ALK: variants seen among roughly 807,000 people sequenced by gnomAD.
The protein encoded by ALK is ALK receptor tyrosine kinase.
ALK carries 74 observed loss-of-function variants against 163.1 expected under a neutral mutation model. The observed-to-expected ratio is 0.45, with a 90% CI of 0.38 to 0.55. The LOEUF (loss-of-function observed/expected upper bound fraction) is 0.55, where lower values mean the gene tolerates loss of function less well. Ranked by LOEUF, ALK falls within the 20% of genes least tolerant of loss-of-function variation. ALK has a pLI of 0.00. For missense variants in ALK, 2,063 were observed against 2,105.3 expected (o/e 0.98, Z 0.39); for synonymous variants, 960 against 843.2 (o/e 1.14, Z -2.40).
At chr2:29,612,634 C>T (rs1675728961) in intron 3 of ALK, among the ~76,000 whole-genome samples, 1 of 152,188 alleles carries the variant, frequency 6.6e-6, no homozygotes, top group African/African-American at 2.4e-5. Context: ...TCTCTTTTCA[C>T]CTGGCCCCTA....
chr2:29,543,194 A>G (rs2148167871), intron 3 of ALK, among the ~76,000 whole-genome samples: 1 of 152,314 alleles, frequency 6.6e-6, no homozygotes, highest in African/African-American at 2.4e-5. Flanking sequence ...GAGAGGTGGC[A>G]GCAGATTATG....
At chr2:29,666,860 C>T (rs948120661) in intron 3 of ALK, among the ~76,000 whole-genome samples, 1 of 151,948 alleles carries the variant, frequency 6.6e-6, no homozygotes, top group African/African-American at 2.4e-5. Context: ...CCTTTCCCAG[C>T]CTCTGGTAAC....
intron 4 of ALK, among the ~76,000 whole-genome samples, chr2:29,407,188 A>G (rs1387383437): frequency 2.0e-5 from 3 of 152,218 alleles, no homozygotes; most frequent in Admixed American, 6.5e-5. Context: ...GCAGCTCTTT[A>G]TCTTCTTAGA....
At chr2:29,279,949 C>T in intron 9 of ALK, among the ~76,000 whole-genome samples, 1 of 152,104 alleles carries the variant, frequency 6.6e-6, no homozygotes, top group Admixed American at 6.5e-5. Context: ...TCAGGTAGAC[C>T]ACTCTGGGAC....
intron 3 of ALK, among the ~76,000 whole-genome samples, chr2:29,672,708 G>T (rs540428043): frequency 6.6e-6 from 1 of 152,104 alleles, no homozygotes; most frequent in African/African-American, 2.4e-5. Context: ...GGGATGGCTC[G>T]GTCAAATGGT....
intron 4 of ALK, among the ~76,000 whole-genome samples, chr2:29,397,428 C>G (rs1224033894): frequency 6.6e-6 from 1 of 152,210 alleles, no homozygotes; most frequent in African/African-American, 2.4e-5. Flanking sequence ...ACACCTTGAT[C>G]TTGGACTTCT....
At chr2:29,831,398 A>T (rs913796353) in intron 1 of ALK, among the ~76,000 whole-genome samples, 10 of 151,580 alleles carry the variant, frequency 6.6e-5, no homozygotes, top group Non-Finnish European at 1.0e-4. Flanking sequence ...GGAGTTCTGG[A>T]TATATATTAC....
chr2:29,738,687 T>A (rs1213034288), intron 1 of ALK, among the ~76,000 whole-genome samples: 1 of 152,074 alleles, frequency 6.6e-6, no homozygotes, highest in East Asian at 1.9e-4. Flanking sequence ...GAGACTTGTT[T>A]ACCCTCTATA....
intron 4 of ALK, among the ~76,000 whole-genome samples, chr2:29,474,636 C>T (rs1454100405): frequency 1.3e-5 from 2 of 151,530 alleles, no homozygotes; most frequent in Non-Finnish European, 2.9e-5. Context: ...GTGTAACTAA[C>T]TCTACAGAAA....
At chr2:29,769,553 G>T (rs1240542468) in intron 1 of ALK, among the ~76,000 whole-genome samples, 1 of 152,134 alleles carries the variant, frequency 6.6e-6, no homozygotes, top group South Asian at 2.1e-4. Flanking sequence ...CCCAGGCCTG[G>T]CTCGGCTACT....
chr2:29,497,958 T>G (rs2148129696), intron 4 of ALK, among the ~76,000 whole-genome samples: 1 of 152,354 alleles, frequency 6.6e-6, no homozygotes, highest in Middle Eastern at 3.4e-3. Context: ...GTTATAATAC[T>G]ATTACTTATA....
intron 1 of ALK, among the ~76,000 whole-genome samples, chr2:29,800,153 G>C (rs1197280564): frequency 6.6e-6 from 1 of 152,204 alleles, no homozygotes; most frequent in Non-Finnish European, 1.5e-5. Flanking sequence ...AGCCAGGGAG[G>C]ACCCCTCAGA....
chr2:29,456,336 T>G (rs1205755266), intron 4 of ALK, among the ~76,000 whole-genome samples: 1 of 152,106 alleles, frequency 6.6e-6, no homozygotes, highest in African/African-American at 2.4e-5. Flanking sequence ...GATGAATGAT[T>G]ACACAAAATG....
At chr2:29,700,078 C>T (rs975825208) in intron 2 of ALK, among the ~76,000 whole-genome samples, 1 of 152,184 alleles carries the variant, frequency 6.6e-6, no homozygotes, top group Non-Finnish European at 1.5e-5. Context: ...ATTCTATAGG[C>T]TTACCCTGGG....
intron 11 of ALK, among the ~76,000 whole-genome samples, chr2:29,254,255 A>C (rs79857053): frequency 0.02 from 2,980 of 152,310 alleles, 91 homozygotes; most frequent in African/African-American, 0.066. Flanking sequence ...CTTTATTAGC[A>C]GCATGAGAAT....
intron 6 of ALK, among the ~76,000 whole-genome samples, chr2:29,322,846 C>A (rs1471368147): frequency 2.0e-5 from 3 of 152,150 alleles, no homozygotes; most frequent in African/African-American, 7.2e-5. Flanking sequence ...AACAAACAAG[C>A]AAAAACAAAC....
intron 4 of ALK, among the ~76,000 whole-genome samples, chr2:29,465,862 G>A (rs1671198378): frequency 6.6e-6 from 1 of 152,032 alleles, no homozygotes; most frequent in Non-Finnish European, 1.5e-5. Context: ...TAAAAGATTT[G>A]AATGCTTAAT....
intron 3 of ALK, among the ~76,000 whole-genome samples, chr2:29,667,800 T>C (rs770729572): frequency 5.3e-5 from 8 of 152,140 alleles, no homozygotes; most frequent in Non-Finnish European, 8.8e-5. Context: ...GCTGACCTCA[T>C]AGAATAAATG....
intron 1 of ALK, among the ~76,000 whole-genome samples, chr2:29,729,176 T>C (rs955217400): frequency 2.6e-5 from 4 of 152,206 alleles, no homozygotes; most frequent in African/African-American, 9.6e-5. Flanking sequence ...GGGTTGAATC[T>C]GCCCCAGGAA....
Sources: allele counts gnomAD v4.1 joint callset (sites outside exome capture counted in the v4.1 genomes callset), GRCh38; gene constraint gnomAD v4.1.1; transcripts MANE v1.5; gene names NCBI Gene and HGNC (gene_info 2026-07-23, HGNC 2026-07-21).